The following MEAF6 variants were observed in gnomAD, a reference collection of about 807,000 sequenced individuals.
The protein encoded by MEAF6 is chromatin modification-related protein MEAF6.
MEAF6 carries 15 observed loss-of-function variants against 28.9 expected under a neutral mutation model. The ratio of observed to expected loss-of-function variants is 0.52; its 90% CI spans 0.35 to 0.80. The LOEUF is 0.80. Among genes scored for constraint, MEAF6 ranks in the 30% least tolerant of loss-of-function variants. MEAF6 has a pLI of 0.01. For missense variants in MEAF6, 178 were observed against 237.5 expected (o/e 0.75, Z 1.65); for synonymous variants, 97 against 88.7 (o/e 1.09, Z -0.53).
intron 4 of MEAF6, among the ~76,000 whole-genome samples, chr1:37,507,446 T>A (rs1339254868): frequency 8.1e-5 from 11 of 135,700 alleles, no homozygotes; most frequent in South Asian, 2.3e-4. Context: ...TAAAAAGAAG[T>A]AAGATTTAAA....
rs1325652121 is a variant in MEAF6 at position 37,491,618 on chromosome 1, G to T, written c.*2481C>A. Among the ~76,000 whole-genome samples, 1 of 152,094 alleles carries T rather than the reference G, an allele frequency of 6.6e-6. No individual in the cohort carries two copies. The highest frequency in any genetic ancestry group is 2.4e-5 in the African/African-American group (1 of 41,396). ...TAAGGCTGAAGCAGGAAGATGGCTT[G>T]ACCCCAGAAGTTCGAGGCTGCACTG... On this transcript the variant is annotated 3_prime_UTR_variant, in exon 7 of 7. Coordinates refer to ENST00000296214, the MANE Select transcript of MEAF6 (RefSeq NM_001270875.3).
chr1:37,503,145 CA>C (rs1170927171), intron 4 of MEAF6, among the ~76,000 whole-genome samples: 1 of 152,020 alleles, frequency 6.6e-6, no homozygotes, highest in African/African-American at 2.4e-5. Context: ...CTATGTTGCC[CA>C]GGCTGGTCTC....
chr1:37,493,932 A>G lies in MEAF6; in HGVS notation c.*167T>C. The G allele has an allele frequency of 6.3e-7, 1 of 1,578,054 alleles. No individual in the cohort carries two copies. Reference sequence around the variant, plus strand: ...TAAGACCCAATGTCTTACAGAAATGACTTGTTTGTCACCACATTTAGAACA... The same window carrying G: ...TAAGACCCAATGTCTTACAGAAATGGCTTGTTTGTCACCACATTTAGAACA... On this transcript the variant is annotated 3_prime_UTR_variant, in exon 7 of 7. Transcript: ENST00000296214.
Position 37,490,080 on chromosome 1 carries a change from T to C in MEAF6, c.*4019A>G, listed in dbSNP as rs1641876716. 6.6e-6 allele frequency among the ~76,000 whole-genome samples: 1 copy of C among 152,174 alleles called. No homozygotes were observed. The highest frequency in any genetic ancestry group is 6.5e-5 in the Admixed American group (1 of 15,282). The stretch of plus-strand genomic sequence containing the variant: ...GTATATTTGATGTATATATATAAAA[T>C]ACATCCAAAGTGAGAAACTAAATAA... On this transcript the variant is annotated 3_prime_UTR_variant, in exon 7 of 7. Coordinates refer to ENST00000296214, the MANE Select transcript of MEAF6 (RefSeq NM_001270875.3).
Position 37,491,163 on chromosome 1 carries a change from A to G in MEAF6, c.*2936T>C, listed in dbSNP as rs566628703. Among the ~76,000 whole-genome samples the G allele has an allele frequency of 6.6e-6, 1 of 152,360 alleles. No homozygotes were observed. Among genetic ancestry groups the G allele is most frequent in the Admixed American group, 6.5e-5 (1 of 15,302 alleles). On this transcript the variant is annotated 3_prime_UTR_variant, in exon 7 of 7. Coordinates refer to ENST00000296214, the MANE Select transcript of MEAF6 (RefSeq NM_001270875.3). ...TTTAACTTTCAAGCTTAGACTATTT[A>G]TCGCTCATTTTAATTATCTTCTTTA...
chr1:37,514,260 G>A (rs901144834), intron 1 of MEAF6: 71 of 168,062 alleles, frequency 4.2e-4, no homozygotes, highest in African/African-American at 1.6e-3. Context: ...CGGGGTGACT[G>A]GGTCCCCCTC....
At chr1:37,494,845 A>C (rs1361725126) in intron 6 of MEAF6, among the ~76,000 whole-genome samples, 8 of 152,036 alleles carry the variant, frequency 5.3e-5, no homozygotes, top group Non-Finnish European at 1.2e-4. Flanking sequence ...ACAAAAAAAA[A>C]ATTTAAAAAA....
rs532273657 is a variant in MEAF6 at position 37,493,844 on chromosome 1, C to T, written c.*255G>A. 1.9e-6 allele frequency: 3 copies of T among 1,550,634 alleles called. No individual in the cohort carries two copies. The highest frequency in any genetic ancestry group is 4.0e-5 in the Admixed American group (2 of 49,818). Reference sequence around the variant, plus strand: ...GAAGGGAGAAACGCACAGTTAGCAACTTGCTGGGATTACAACATTGTCTTC... The same window carrying T: ...GAAGGGAGAAACGCACAGTTAGCAATTTGCTGGGATTACAACATTGTCTTC... On this transcript the variant is annotated 3_prime_UTR_variant, in exon 7 of 7. Coordinates refer to ENST00000296214, the MANE Select transcript of MEAF6 (RefSeq NM_001270875.3).
rs544851460 is a variant in MEAF6 at position 37,509,339 on chromosome 1, C to T, written c.295-16G>A. ...CACTTACTGCCTAAAAGAAAAGCCA[C>T]CAGTTACTAGAAAAGTGACCACAGA... On this transcript the variant is annotated splice_polypyrimidine_tract_variant and intron_variant, in intron 3 of 6. Coordinates refer to ENST00000296214, the MANE Select transcript of MEAF6 (RefSeq NM_001270875.3). 1.2e-6 allele frequency: 2 copies of T among 1,613,886 alleles called. No individual in the cohort carries two copies. Among genetic ancestry groups the T allele is most frequent in the East Asian group, 4.5e-5 (2 of 44,888 alleles).
intron 4 of MEAF6, among the ~76,000 whole-genome samples, chr1:37,504,206 G>A (rs1247625594): frequency 1.3e-5 from 2 of 152,170 alleles, no homozygotes; most frequent in Non-Finnish European, 2.9e-5. Flanking sequence ...GAAGGTGCTT[G>A]CTTCCCCTTC....
chr1:37,506,379 A>C (rs995279794), intron 4 of MEAF6, among the ~76,000 whole-genome samples: 3 of 152,108 alleles, frequency 2.0e-5, no homozygotes, highest in African/African-American at 7.2e-5. Flanking sequence ...TAATTTTTTT[A>C]ATTTTTATTT....
chr1:37,512,749 AG>A (rs1642709368), intron 2 of MEAF6, among the ~76,000 whole-genome samples: 1 of 152,180 alleles, frequency 6.6e-6, no homozygotes, highest in South Asian at 2.1e-4. Context: ...TTAATTAGTC[AG>A]GTACAGTATG....
intron 1 of MEAF6, 58 bp from the exon 2 acceptor site, chr1:37,513,596 T>C: frequency 7.5e-7 from 1 of 1,332,962 alleles, no homozygotes; most frequent in Non-Finnish European, 1.1e-6. Flanking sequence ...CACTTAAGTC[T>C]GGCCAAAATG....
chr1:37,510,924 T>A (rs866685892), intron 2 of MEAF6, among the ~76,000 whole-genome samples: 1 of 151,928 alleles, frequency 6.6e-6, no homozygotes, highest in Non-Finnish European at 1.5e-5. Context: ...TTCTCCATGT[T>A]GGTCAGGCTA....
chr1:37,509,152 G>T, intron 4 of MEAF6, 126 bp downstream of exon 4: 1 of 901,110 alleles, frequency 1.1e-6, no homozygotes, highest in Non-Finnish European at 1.8e-6. Context: ...AAAACTTCCA[G>T]GAAGAAGAGG....
At chr1:37,496,744 G>A (rs774554780) in intron 5 of MEAF6, 3 of 1,593,712 alleles carry the variant, frequency 1.9e-6, no homozygotes, top group South Asian at 1.1e-5. Context: ...GGGCTGAGGG[G>A]CAGCATTTGA....
At chr1:37,510,494 G>A (rs1251888919) in intron 2 of MEAF6, among the ~76,000 whole-genome samples, 1 of 144,274 alleles carries the variant, frequency 6.9e-6, no homozygotes, top group Non-Finnish European at 1.5e-5. Context: ...TGATTATCCT[G>A]CCTCAGCCTC....
At chr1:37,511,257 C>G (rs922205610) in intron 2 of MEAF6, among the ~76,000 whole-genome samples, 1 of 152,128 alleles carries the variant, frequency 6.6e-6, no homozygotes, top group Non-Finnish European at 1.5e-5. Flanking sequence ...GACAAACAAG[C>G]CAGCTTGAGG....
chr1:37,508,156 A>C (rs140836624), intron 4 of MEAF6, among the ~76,000 whole-genome samples: 106 of 152,284 alleles, frequency 7.0e-4, no homozygotes, highest in Middle Eastern at 3.4e-3. Flanking sequence ...CCTGGAAATT[A>C]GACTGTATGG....
Sources: gnomAD v4.1 joint callset for allele counts (sites outside exome capture counted in the v4.1 genomes callset) on GRCh38, gnomAD v4.1.1 for gene constraint, MANE v1.5 for transcripts, NCBI Gene and HGNC (gene_info 2026-07-23, HGNC 2026-07-21) for gene names.